WWOX: variants seen among roughly 807,000 people sequenced by gnomAD.
The protein encoded by WWOX is WW domain containing oxidoreductase.
Under a neutral mutation model 46.2 loss-of-function variants are expected in WWOX, and 69 were observed. That is an observed-to-expected ratio of 1.49 (90% CI 1.23 to 1.82). WWOX has a LOEUF of 1.82. Ranked by LOEUF, WWOX falls within the 40% of genes most tolerant of loss-of-function variation. WWOX has a pLI of 0.00. For synonymous variants in WWOX, 359 were observed against 202.6 expected (o/e 1.77, Z -6.56); for missense variants, 919 against 542.6 (o/e 1.69, Z -6.89).
chr16:78,359,411 C>A (rs552631880), intron 5 of WWOX, among the ~76,000 whole-genome samples: 41 of 152,226 alleles, frequency 2.7e-4, no homozygotes, highest in African/African-American at 9.9e-4. Flanking sequence ...TATTAACACA[C>A]TAATCATGAG....
At chr16:78,729,716 G>T (rs1420622952) in intron 8 of WWOX, among the ~76,000 whole-genome samples, 1 of 152,172 alleles carries the variant, frequency 6.6e-6, no homozygotes, top group Non-Finnish European at 1.5e-5. Flanking sequence ...CCAGTTTGTG[G>T]TAATTTGTTA....
chr16:78,779,657 G>C (rs566385186), intron 8 of WWOX, among the ~76,000 whole-genome samples: 2 of 152,296 alleles, frequency 1.3e-5, no homozygotes, highest in Admixed American at 1.3e-4. Context: ...GAGGGCCCCA[G>C]TTCACACTGC....
chr16:78,934,628 C>T (rs528360738), intron 8 of WWOX, among the ~76,000 whole-genome samples: 122 of 152,148 alleles, frequency 8.0e-4, no homozygotes, highest in African/African-American at 2.8e-3. Flanking sequence ...CCCACCACCA[C>T]GCAGGCCTTG....
In WWOX at chr16:78,108,502, G is replaced by A. The variant is rs372151545; in HGVS notation, c.172+15G>A. 1.2e-6 allele frequency: 2 copies of A among 1,613,412 alleles called. No individual in the cohort carries two copies. Among genetic ancestry groups the A allele is most frequent in the South Asian group, 2.2e-5 (2 of 91,062 alleles). On this transcript the variant is annotated intron_variant, in intron 2 of 8. Coordinates refer to ENST00000566780, the MANE Select transcript of WWOX (RefSeq NM_016373.4). ...AGTGGCAGGAGGTTTGTATGTTGTT[G>A]TCTAAGGATCTTGGATGGAAGCATT...
At chr16:78,459,070 C>T (rs1344314490) in intron 8 of WWOX, among the ~76,000 whole-genome samples, 1 of 152,168 alleles carries the variant, frequency 6.6e-6, no homozygotes, top group African/African-American at 2.4e-5. Context: ...TGGAAGCCAG[C>T]AGATGACTTT....
At chr16:79,075,231 G>C (rs1318864504) in intron 8 of WWOX, among the ~76,000 whole-genome samples, 3 of 152,144 alleles carry the variant, frequency 2.0e-5, no homozygotes, top group Admixed American at 2.0e-4. Flanking sequence ...CCCTAAGTTT[G>C]AAAACTACTG....
chr16:78,486,559 AGTTTT>A (rs541455368), intron 8 of WWOX, among the ~76,000 whole-genome samples: 184 of 137,646 alleles, frequency 1.3e-3, no homozygotes, highest in East Asian at 4.3e-3. Context: ...ATTGACTTCC[AGTTTT>A]GTTTTGTTTT....
At chr16:78,756,807 T>C in intron 8 of WWOX, 1 of 555,694 alleles carries the variant, frequency 1.8e-6, no homozygotes, top group Admixed American at 2.7e-5. Flanking sequence ...CTCAGCATAG[T>C]CTTCTCGGAC....
intron 8 of WWOX, among the ~76,000 whole-genome samples, chr16:78,546,914 C>G (rs1597246168): frequency 2.0e-5 from 3 of 151,808 alleles, no homozygotes. Context: ...ATCACTTGAG[C>G]CCAGGGGTTT....
intron 8 of WWOX, among the ~76,000 whole-genome samples, chr16:78,694,095 G>C (rs13333672): frequency 0.15 from 23,382 of 152,062 alleles, 5,013 homozygotes; most frequent in African/African-American, 0.48. Context: ...ACCTAGGCGT[G>C]GTAGTGTGTG....
At chr16:79,155,397 G>C (rs531097223) in intron 8 of WWOX, among the ~76,000 whole-genome samples, 1 of 152,138 alleles carries the variant, frequency 6.6e-6, no homozygotes, top group African/African-American at 2.4e-5. Context: ...AAAAAAGGTG[G>C]GGGGGTGGGC....
chr16:79,050,336 G>T (rs539092944), intron 8 of WWOX, among the ~76,000 whole-genome samples: 1 of 152,142 alleles, frequency 6.6e-6, no homozygotes, highest in African/African-American at 2.4e-5. Flanking sequence ...TAGCTGGGGT[G>T]GTTCTCCTCC....
intron 8 of WWOX, among the ~76,000 whole-genome samples, chr16:78,623,022 C>A (rs558958007): frequency 2.0e-5 from 3 of 152,132 alleles, no homozygotes; most frequent in Admixed American, 2.0e-4. Context: ...AGTCCTATAA[C>A]CACAAGGAAA....
At chr16:78,381,358 A>G (rs1159568905) in intron 5 of WWOX, among the ~76,000 whole-genome samples, 1 of 152,226 alleles carries the variant, frequency 6.6e-6, no homozygotes, top group Admixed American at 6.5e-5. Flanking sequence ...GACTTAGTGT[A>G]TTAAGGTGGC....
intron 8 of WWOX, among the ~76,000 whole-genome samples, chr16:78,556,808 C>A: frequency 6.6e-6 from 1 of 151,894 alleles, no homozygotes; most frequent in East Asian, 1.9e-4. Context: ...CTACCCCCGC[C>A]CCCGGGTTCA....
At chr16:78,513,174 C>T (rs2085404979) in intron 8 of WWOX, among the ~76,000 whole-genome samples, 1 of 152,074 alleles carries the variant, frequency 6.6e-6, no homozygotes, top group Non-Finnish European at 1.5e-5. Flanking sequence ...ACAAATGCCT[C>T]AAATCATTTT....
intron 8 of WWOX, among the ~76,000 whole-genome samples, chr16:78,838,632 C>T (rs6420410): frequency 0.89 from 135,019 of 152,156 alleles, 60,295 homozygotes; most frequent in African/African-American, 0.98. Flanking sequence ...ACCTGAGGTC[C>T]GGAGTTCCAG....
At chr16:79,100,187 C>A (rs2049162923) in intron 8 of WWOX, among the ~76,000 whole-genome samples, 2 of 152,016 alleles carry the variant, frequency 1.3e-5, no homozygotes, top group Admixed American at 1.3e-4. Context: ...AAACTATAGC[C>A]TAGCCAGGGT....
At chr16:78,196,210 T>G (rs2036046205) in intron 5 of WWOX, among the ~76,000 whole-genome samples, 1 of 152,238 alleles carries the variant, frequency 6.6e-6, no homozygotes, top group Admixed American at 6.5e-5. Context: ...CTACAATTAA[T>G]TTGAATGTAT....
Sources: allele counts gnomAD v4.1 joint callset (sites outside exome capture counted in the v4.1 genomes callset), GRCh38; gene constraint gnomAD v4.1.1; transcripts MANE v1.5; gene names NCBI Gene and HGNC (gene_info 2026-07-23, HGNC 2026-07-21).